The following SNTG1 variants were observed in gnomAD, a reference collection of about 807,000 sequenced individuals.
SNTG1 encodes the protein gamma-1-syntrophin.
SNTG1 carries 39 observed loss-of-function variants against 74.7 expected under a neutral mutation model. That is an observed-to-expected ratio of 0.52 (90% CI 0.40 to 0.68). The LOEUF is 0.68. SNTG1 is among the 30% of genes least tolerant of loss of function. The pLI, the probability that SNTG1 is intolerant of heterozygous loss-of-function variation, is 0.00. For missense variants in SNTG1, 685 were observed against 609.5 expected (o/e 1.12, Z -1.30); for synonymous variants, 254 against 217.1 (o/e 1.17, Z -1.49).
intron 11 of SNTG1, among the ~76,000 whole-genome samples, chr8:50,546,027 C>T (rs1020655805): frequency 1.3e-5 from 2 of 151,596 alleles, no homozygotes; most frequent in East Asian, 3.9e-4. Context: ...GCACAATCAG[C>T]GAATGTGTGA....
chr8:50,140,124 A>C (rs1214898089), intron 1 of SNTG1, among the ~76,000 whole-genome samples: 1 of 152,228 alleles, frequency 6.6e-6, no homozygotes, highest in Non-Finnish European at 1.5e-5. Context: ...AAAAATAATC[A>C]ATCAACCAAT....
chr8:50,720,393 A>G (rs1563779514), intron 17 of SNTG1, among the ~76,000 whole-genome samples: 3 of 152,176 alleles, frequency 2.0e-5, no homozygotes, highest in Non-Finnish European at 4.4e-5. Context: ...AGGACTTGTC[A>G]ATTTATTTAT....
At chr8:50,663,093 G>C (rs1219411969) in intron 15 of SNTG1, among the ~76,000 whole-genome samples, 1 of 152,110 alleles carries the variant, frequency 6.6e-6, no homozygotes, top group African/African-American at 2.4e-5. Context: ...GTCATGGCAG[G>C]GGTTGGAGTC....
intron 1 of SNTG1, among the ~76,000 whole-genome samples, chr8:50,089,302 C>A (rs2079621335): frequency 6.6e-6 from 1 of 151,612 alleles, no homozygotes; most frequent in Non-Finnish European, 1.5e-5. Context: ...CCATAAAAAC[C>A]CTAGAAGAAA....
chr8:50,722,108 TTGTA>T (rs1004825210), intron 17 of SNTG1, among the ~76,000 whole-genome samples: 1 of 139,816 alleles, frequency 7.2e-6, no homozygotes, highest in Non-Finnish European at 1.5e-5. Flanking sequence ...TATGATCACA[TTGTA>T]TGTATGTATA....
At chr8:50,573,319 A>C (rs1175203274) in intron 12 of SNTG1, among the ~76,000 whole-genome samples, 1 of 152,076 alleles carries the variant, frequency 6.6e-6, no homozygotes, top group East Asian at 1.9e-4. Context: ...GACAATATTT[A>C]AAACAAATGT....
At chr8:50,471,044 A>G (rs1587731741) in intron 8 of SNTG1, among the ~76,000 whole-genome samples, 1 of 151,998 alleles carries the variant, frequency 6.6e-6, no homozygotes, top group Admixed American at 6.6e-5. Flanking sequence ...GTGCTGATTG[A>G]TGCATTTACA....
At chr8:50,304,352 C>T (rs996294911) in intron 2 of SNTG1, among the ~76,000 whole-genome samples, 4 of 152,136 alleles carry the variant, frequency 2.6e-5, no homozygotes, top group Admixed American at 1.3e-4. Context: ...TATAAATCAC[C>T]CTGTTTGTAG....
At chr8:50,784,475 A>T (rs1365075485) in intron 18 of SNTG1, among the ~76,000 whole-genome samples, 1 of 152,214 alleles carries the variant, frequency 6.6e-6, no homozygotes, top group Non-Finnish European at 1.5e-5. Context: ...AAATGAATCA[A>T]TTTTTCAAGG....
chr8:50,666,737 CTG>C (rs1166727870), intron 15 of SNTG1, among the ~76,000 whole-genome samples: 2 of 151,966 alleles, frequency 1.3e-5, no homozygotes, highest in Non-Finnish European at 2.9e-5. Context: ...AGTGCTAAAA[CTG>C]TGCTCAAATT....
intron 1 of SNTG1, among the ~76,000 whole-genome samples, chr8:50,018,313 A>T (rs1377366622): frequency 6.6e-6 from 1 of 152,066 alleles, no homozygotes; most frequent in Non-Finnish European, 1.5e-5. Context: ...ATATGGATAG[A>T]AGTATAGATC....
chr8:50,299,938 G>A (rs1404350352), intron 2 of SNTG1, among the ~76,000 whole-genome samples: 1 of 152,148 alleles, frequency 6.6e-6, no homozygotes, highest in African/African-American at 2.4e-5. Flanking sequence ...AGCAGTATCT[G>A]ATATAGGGTA....
intron 1 of SNTG1, among the ~76,000 whole-genome samples, chr8:50,088,262 A>C (rs1823102086): frequency 6.6e-6 from 1 of 150,648 alleles, no homozygotes; most frequent in Non-Finnish European, 1.5e-5. Flanking sequence ...TTTCAAAATA[A>C]TAAGAGCTAT....
At chr8:50,125,374 T>C (rs960735554) in intron 1 of SNTG1, among the ~76,000 whole-genome samples, 2 of 142,602 alleles carry the variant, frequency 1.4e-5, no homozygotes, top group Non-Finnish European at 3.1e-5. Flanking sequence ...ATTTTTAAAA[T>C]GCATTAGCTA....
At chr8:50,709,950 C>T (rs2095457084) in intron 17 of SNTG1, among the ~76,000 whole-genome samples, 1 of 152,074 alleles carries the variant, frequency 6.6e-6, no homozygotes, top group Non-Finnish European at 1.5e-5. Flanking sequence ...TTTTCTAAAG[C>T]AAATGGCAAC....
intron 3 of SNTG1, among the ~76,000 whole-genome samples, chr8:50,399,158 C>G (rs2092768146): frequency 6.6e-6 from 1 of 151,988 alleles, no homozygotes; most frequent in East Asian, 1.9e-4. Context: ...TCTGTTTTAG[C>G]ACTTCGTGTA....
intron 18 of SNTG1, among the ~76,000 whole-genome samples, chr8:50,765,251 C>T (rs188808183): frequency 5.3e-5 from 8 of 152,156 alleles, no homozygotes; most frequent in Non-Finnish European, 1.2e-4. Flanking sequence ...TTTTCTGTAG[C>T]ATTTGGCTAA....
At chr8:50,707,923 C>T (rs1005778999) in intron 16 of SNTG1, 12 of 393,418 alleles carry the variant, frequency 3.1e-5, no homozygotes, top group Non-Finnish European at 4.5e-5. Flanking sequence ...AAAAATTAGG[C>T]TGGGCACAGT....
At chr8:50,037,802 G>C (rs1818288497) in intron 1 of SNTG1, among the ~76,000 whole-genome samples, 2 of 152,078 alleles carry the variant, frequency 1.3e-5, no homozygotes, top group South Asian at 4.1e-4. Flanking sequence ...CCAGGGATAT[G>C]GTAAATACGT....
Sources: gnomAD v4.1 joint callset for allele counts (sites outside exome capture counted in the v4.1 genomes callset) on GRCh38, gnomAD v4.1.1 for gene constraint, MANE v1.5 for transcripts, NCBI Gene and HGNC (gene_info 2026-07-23, HGNC 2026-07-21) for gene names.